The following TMEM132B variants were observed in gnomAD, a reference collection of about 807,000 sequenced individuals.
TMEM132B encodes transmembrane protein 132B.
A neutral mutation model predicts 90.8 loss-of-function variants in TMEM132B; 18 were observed. The ratio of observed to expected loss-of-function variants is 0.20; its 90% CI spans 0.14 to 0.29. The LOEUF (loss-of-function observed/expected upper bound fraction) is 0.29. TMEM132B is among the 10% of genes least tolerant of loss of function. The pLI, the probability that TMEM132B is intolerant of heterozygous loss-of-function variation, is 1.00. For synonymous variants in TMEM132B, 504 were observed against 523.3 expected (o/e 0.96, Z 0.50); for missense variants, 1,096 against 1,326.8 (o/e 0.83, Z 2.70).
At position 125,219,589 on chromosome 12, in the gene TMEM132B, A is replaced by G. The variant is rs1342189721; in HGVS notation, c.67+32723A>G. On this transcript the variant is annotated intron_variant, in intron 1 of 8. Transcript: ENST00000682704. ...GTGTGGGAAGGACCTGGTCTTTCTCAAGACCTGGTCCTCCAACCCTCCCCG... is the reference window on the plus strand; with the variant it reads ...GTGTGGGAAGGACCTGGTCTTTCTCGAGACCTGGTCCTCCAACCCTCCCCG... Among the ~76,000 whole-genome samples the G allele has an allele frequency of 3.9e-5, 6 of 152,192 alleles. No homozygotes were observed. The East Asian group carries it at 9.7e-4, about 25-fold the overall frequency.
rs570187245 is a variant in TMEM132B, at chr12:125,445,622, C to A, written c.1106+29945C>A. ...GGACATCCAGTGTTAGTCACTCCAC[C>A]CCAGCTGTGAACCCTGAGCGTGTGA... is the stretch of plus-strand genomic sequence containing the variant. On this transcript the variant is annotated intron_variant, in intron 3 of 8. Coordinates refer to ENST00000682704, the MANE Select transcript of TMEM132B (RefSeq NM_001366854.1). The surrounding 1 kb of genome is among the most constrained non-coding windows in gnomAD (Gnocchi z 4.3). Among the ~76,000 whole-genome samples the A allele has an allele frequency of 1.1e-3, 171 of 152,274 alleles. 1 individual carries two copies. Among genetic ancestry groups the A allele is most frequent in the Non-Finnish European group, 3.7e-4 (25 of 68,026 alleles).
intron 4 of TMEM132B, among the ~76,000 whole-genome samples, chr12:125,555,287 A>G (rs1362704569): frequency 1.3e-5 from 2 of 152,016 alleles, no homozygotes; most frequent in East Asian, 3.9e-4. Context: ...AAATAGGTAT[A>G]TTTTATTGGT....
chr12:125,581,368 T>A (rs1566080022), intron 4 of TMEM132B, among the ~76,000 whole-genome samples: 2 of 152,224 alleles, frequency 1.3e-5, no homozygotes. Flanking sequence ...TTTCCAAAGA[T>A]AACAGACTTC....
chr12:125,556,300 A>G (rs939598376), intron 4 of TMEM132B, among the ~76,000 whole-genome samples: 10 of 152,202 alleles, frequency 6.6e-5, no homozygotes, highest in Non-Finnish European at 1.2e-4. Context: ...TAACTAGTAT[A>G]TATCATTTAT....
intron 5 of TMEM132B, among the ~76,000 whole-genome samples, chr12:125,616,548 A>G (rs909309449): frequency 5.3e-5 from 8 of 152,216 alleles, no homozygotes; most frequent in African/African-American, 1.4e-4. Context: ...AAGCTTAGCC[A>G]TATCAATGTA....
chr12:125,314,211 G>C lies in TMEM132B; in HGVS notation c.68-35241G>C, dbSNP rs182319669. Among the ~76,000 whole-genome samples, 1,011 of 152,068 alleles carry C rather than the reference G, an allele frequency of 6.6e-3. 14 individuals carry two copies. Among genetic ancestry groups the C allele is most frequent in the African/African-American group, 0.023 (946 of 41,330 alleles). On this transcript the variant is annotated intron_variant, in intron 1 of 8. Transcript: ENST00000682704. ...GCAGGCTGCCACGTCCCAGCCTCCAGTCCTATGCAAACCGGCCTTGACTTC... is the reference window on the plus strand; with the variant it reads ...GCAGGCTGCCACGTCCCAGCCTCCACTCCTATGCAAACCGGCCTTGACTTC...
intron 1 of TMEM132B, among the ~76,000 whole-genome samples, chr12:125,220,765 T>C (rs557220764): frequency 6.6e-6 from 1 of 152,318 alleles, no homozygotes; most frequent in Non-Finnish European, 1.5e-5. Context: ...CGTAGGAGCG[T>C]GTACCTCTTA....
intron 1 of TMEM132B, among the ~76,000 whole-genome samples, chr12:125,283,740 T>A (rs34425309): frequency 0.11 from 16,944 of 152,264 alleles, 1,012 homozygotes; most frequent in South Asian, 0.15. Context: ...TTCCAGTGCA[T>A]TCCACCTCAA....
intron 3 of TMEM132B, among the ~76,000 whole-genome samples, chr12:125,471,426 T>C (rs150026968): frequency 2.6e-5 from 4 of 152,342 alleles, no homozygotes; most frequent in African/African-American, 9.6e-5. Context: ...CATGTGACCA[T>C]ACCCTTGCTT....
intron 1 of TMEM132B, among the ~76,000 whole-genome samples, chr12:125,239,282 G>C (rs1026128364): frequency 6.6e-6 from 1 of 152,202 alleles, no homozygotes; most frequent in African/African-American, 2.4e-5. Flanking sequence ...TCTGACATAT[G>C]TTCCCAAGGA....
chr12:125,589,463 C>T lies in TMEM132B; in HGVS notation c.1437+5469C>T, dbSNP rs535839140. 3.6e-5 allele frequency among the ~76,000 whole-genome samples: 4 copies of T among 111,256 alleles called. No individual in the cohort carries two copies. The East Asian group carries it at 1.1e-3, about 30-fold the overall frequency. The allele number at this position is 111,256 out of a possible 152,430, so 73.0% of individuals were successfully genotyped here. A position where few individuals can be genotyped will look rare whatever the true frequency, so the allele number is the denominator to read the frequency against. On this transcript the variant is annotated intron_variant, in intron 5 of 8. Transcript: ENST00000682704. ...CGCCACTGCACCCCAGCCCGGGTGACAGAGCGAGACTCCGTCTCAAAAAAA... is the reference window on the plus strand; with the variant it reads ...CGCCACTGCACCCCAGCCCGGGTGATAGAGCGAGACTCCGTCTCAAAAAAA...
In TMEM132B at chr12:125,460,092, C is replaced by A. The variant is rs748291745; in HGVS notation, c.1106+44415C>A. 6.6e-6 allele frequency among the ~76,000 whole-genome samples: 1 copy of A among 152,162 alleles called. No homozygotes were observed. Among genetic ancestry groups the A allele is most frequent in the Admixed American group, 6.5e-5 (1 of 15,278 alleles). On this transcript the variant is annotated intron_variant, in intron 3 of 8. Coordinates refer to ENST00000682704, the MANE Select transcript of TMEM132B (RefSeq NM_001366854.1). The surrounding 1 kb of genome is among the most constrained non-coding windows in gnomAD (Gnocchi z 4.4). ...CAGTGTGTGAACAGACTAATATAAC[C>A]CATTTTACCTGATGTGATTATTATG...
chr12:125,298,935 G>A (rs1276614183), intron 1 of TMEM132B, among the ~76,000 whole-genome samples: 1 of 151,638 alleles, frequency 6.6e-6, no homozygotes, highest in Non-Finnish European at 1.5e-5. Flanking sequence ...GGGTTTCACC[G>A]TGTTAGCCGG....
At chr12:125,334,440 C>T (rs10773160) in intron 1 of TMEM132B, among the ~76,000 whole-genome samples, 80,082 of 152,094 alleles carry the variant, frequency 0.53, 22,876 homozygotes, top group African/African-American at 0.76. Flanking sequence ...TCCTTCTGTG[C>T]CTTCCTTTTC....
chr12:125,219,977 T>C (rs1294663289), intron 1 of TMEM132B, among the ~76,000 whole-genome samples: 1 of 152,024 alleles, frequency 6.6e-6, no homozygotes, highest in Non-Finnish European at 1.5e-5. Flanking sequence ...GTATTTGCCG[T>C]AAGTATTTAC....
At chr12:125,491,175 T>C (rs1882341354) in intron 3 of TMEM132B, among the ~76,000 whole-genome samples, 1 of 152,220 alleles carries the variant, frequency 6.6e-6, no homozygotes, top group South Asian at 2.1e-4. Flanking sequence ...ACATGTTTAT[T>C]GTTTTAATCT....
At chr12:125,372,086 T>C (rs1374886950) in intron 2 of TMEM132B, among the ~76,000 whole-genome samples, 2 of 152,252 alleles carry the variant, frequency 1.3e-5, no homozygotes, top group Non-Finnish European at 2.9e-5. Flanking sequence ...GTCTGTGTGG[T>C]CTAAATCCAC....
chr12:125,445,842 G>A lies in TMEM132B; in HGVS notation c.1106+30165G>A, dbSNP rs1209782413. Among the ~76,000 whole-genome samples, 1 of 152,156 alleles carries A rather than the reference G, an allele frequency of 6.6e-6. No individual in the cohort carries two copies. Among genetic ancestry groups the A allele is most frequent in the Admixed American group, 6.5e-5 (1 of 15,274 alleles). Reference sequence around the variant, plus strand: ...CCTCAGGCCATGTGCTACCCTCCTGGGGAGTGGCTCTCAACACTGTGACTC... The same window carrying A: ...CCTCAGGCCATGTGCTACCCTCCTGAGGAGTGGCTCTCAACACTGTGACTC... On this transcript the variant is annotated intron_variant, in intron 3 of 8. Transcript: ENST00000682704. This position sits in a 1 kb window ranked among gnomAD's most constrained non-coding sequence, Gnocchi z 4.3.
intron 4 of TMEM132B, among the ~76,000 whole-genome samples, chr12:125,523,108 G>A (rs546289960): frequency 6.6e-6 from 1 of 152,312 alleles, no homozygotes; most frequent in African/African-American, 2.4e-5. Context: ...ATCAGAGCCT[G>A]AGTCCATTGG....
Sources: gnomAD v4.1 joint callset for allele counts (sites outside exome capture counted in the v4.1 genomes callset) on GRCh38, gnomAD v4.1.1 for gene constraint, Gnocchi (gnomAD v3.1) non-coding constraint, MANE v1.5 for transcripts, NCBI Gene and HGNC (gene_info 2026-07-23, HGNC 2026-07-21) for gene names.